Variants in SEC11A observed in about 807,000 individuals in gnomAD.
The protein encoded by SEC11A is SEC11 homolog A, signal peptidase complex subunit, also known as signal peptidase complex catalytic subunit SEC11A.
Under a neutral mutation model 25.6 loss-of-function variants are expected in SEC11A, and 14 were observed. The ratio of observed to expected loss-of-function variants is 0.55; its 90% CI spans 0.36 to 0.85. The LOEUF (loss-of-function observed/expected upper bound fraction) is 0.85, where lower values mean the gene tolerates loss of function less well. SEC11A is among the 40% of genes least tolerant of loss of function. The pLI, the probability that SEC11A is intolerant of heterozygous loss-of-function variation, is 0.01. For synonymous variants in SEC11A, 83 were observed against 76.4 expected, an observed-to-expected ratio of 1.09 and a Z score of -0.45; for missense variants, 153 against 222.9, an observed-to-expected ratio of 0.69 and a Z score of 2.00.
At chr15:84,672,235 C>A in intron 4 of SEC11A, 1 of 164,614 alleles carries the variant, frequency 6.1e-6, no homozygotes, top group African/African-American at 2.4e-5. Context: ...GCCTCTGCCC[C>A]TGACCATGCC....
At chr15:84,715,213 A>G (rs1898421400) in intron 1 of SEC11A, among the ~76,000 whole-genome samples, 1 of 152,212 alleles carries the variant, frequency 6.6e-6, no homozygotes, top group Non-Finnish European at 1.5e-5. Context: ...ATACTGTTTA[A>G]AACAAAAAAA....
chr15:84,697,632 C>A (rs2141905769), intron 1 of SEC11A, among the ~76,000 whole-genome samples: 1 of 152,318 alleles, frequency 6.6e-6, no homozygotes, highest in Non-Finnish European at 1.5e-5. Flanking sequence ...TTTTTACCCT[C>A]TCTTTTCCTG....
Position 84,680,695 on chromosome 15 carries a change from G to A in SEC11A, c.431+18C>T. 6.3e-7 allele frequency: 1 copy of A among 1,574,934 alleles called. No homozygotes were observed. The highest frequency in any genetic ancestry group is 8.6e-7 in the Non-Finnish European group (1 of 1,159,064). The stretch of plus-strand genomic sequence containing the variant: ...TCAAGTGATATAAAAAGTTTGAGAT[G>A]CTCCCCTCTATACTTACCCCCTGGC... On this transcript the variant is annotated intron_variant, in intron 4 of 5. Transcript: ENST00000268220.
At chr15:84,681,635 G>GA (rs898081087) in intron 3 of SEC11A, among the ~76,000 whole-genome samples, 2 of 150,870 alleles carry the variant, frequency 1.3e-5, no homozygotes, top group African/African-American at 2.4e-5. Context: ...ATCCCAAAAC[G>GA]AAAAAAACAA....
At chr15:84,673,130 G>C (rs1443134374) in intron 4 of SEC11A, 1 of 167,426 alleles carries the variant, frequency 6.0e-6, no homozygotes, top group Non-Finnish European at 1.3e-5. Flanking sequence ...CCGGGAGGGA[G>C]GTGGGGGTCA....
intron 1 of SEC11A, among the ~76,000 whole-genome samples, chr15:84,715,636 C>T (rs1441825505): frequency 6.6e-6 from 1 of 152,172 alleles, no homozygotes; most frequent in African/African-American, 2.4e-5. Flanking sequence ...CAGAAACCGG[C>T]TAAACCTCGT....
intron 1 of SEC11A, among the ~76,000 whole-genome samples, chr15:84,714,498 G>A (rs1410791400): frequency 2.0e-5 from 3 of 152,186 alleles, no homozygotes; most frequent in Non-Finnish European, 4.4e-5. Context: ...AAGTATACAC[G>A]TAAAAACGGT....
At chr15:84,682,958 T>C (rs1897317817) in intron 3 of SEC11A, among the ~76,000 whole-genome samples, 1 of 152,098 alleles carries the variant, frequency 6.6e-6, no homozygotes, top group Non-Finnish European at 1.5e-5. Context: ...AATATCCACT[T>C]AGATTCTAAG....
At chr15:84,672,623 C>T (rs1213976032) in intron 4 of SEC11A, 1 of 208,314 alleles carries the variant, frequency 4.8e-6, no homozygotes, top group African/African-American at 2.4e-5. Context: ...GCTACAACCA[C>T]CTCCCAGCCG....
At chr15:84,686,603 T>C (rs995575511) in intron 3 of SEC11A, 2 of 152,252 alleles carry the variant, frequency 1.3e-5, no homozygotes, top group Admixed American at 1.3e-4. Context: ...AGAGGGAAAC[T>C]GTCTCAAAAA....
At chr15:84,712,613 A>G (rs1350558340) in intron 1 of SEC11A, among the ~76,000 whole-genome samples, 4 of 151,738 alleles carry the variant, frequency 2.6e-5, no homozygotes, top group African/African-American at 4.8e-5. Flanking sequence ...ATGCTCGGCT[A>G]ATTTTTGTAT....
rs1161975001 is a variant in SEC11A at position 84,704,860 on chromosome 15, G to T, written c.51+11165C>A. Among the ~76,000 whole-genome samples the T allele has an allele frequency of 3.3e-5, 5 of 151,628 alleles. 1 individual carries two copies. Among genetic ancestry groups the T allele is most frequent in the Non-Finnish European group, 4.4e-5 (3 of 67,964 alleles). ...AAGGTGCTTTCTTAGTTCTTTCTTTGTTCACTCTTCCTCATCCTGGAGGAT... is the reference window on the plus strand; with the variant it reads ...AAGGTGCTTTCTTAGTTCTTTCTTTTTTCACTCTTCCTCATCCTGGAGGAT... On this transcript the variant is annotated intron_variant, in intron 1 of 5. Coordinates refer to ENST00000268220, the MANE Select transcript of SEC11A (RefSeq NM_014300.4).
At chr15:84,704,841 C>T (rs961212083) in intron 1 of SEC11A, among the ~76,000 whole-genome samples, 5 of 151,996 alleles carry the variant, frequency 3.3e-5, no homozygotes, top group African/African-American at 1.2e-4. Flanking sequence ...GGGTAAGGTG[C>T]TTTCTTAGTT....
intron 1 of SEC11A, among the ~76,000 whole-genome samples, chr15:84,696,230 C>T (rs2141903669): frequency 6.6e-6 from 1 of 152,290 alleles, no homozygotes; most frequent in Admixed American, 6.5e-5. Context: ...TGCTTGTCTA[C>T]TGGCTGGCAG....
intron 2 of SEC11A, 141 bp downstream of exon 2, chr15:84,691,394 T>G: frequency 1.7e-6 from 1 of 586,078 alleles, no homozygotes; most frequent in Non-Finnish European, 3.1e-6. Flanking sequence ...TTACAACTGA[T>G]AAGTAGTGAC....
At chr15:84,704,888 T>C (rs1360978642) in intron 1 of SEC11A, among the ~76,000 whole-genome samples, 3 of 151,492 alleles carry the variant, frequency 2.0e-5, no homozygotes, top group Non-Finnish European at 2.9e-5. Context: ...TGGAGGATAG[T>C]AGCTGTTTTC....
At chr15:84,712,242 A>T (rs200326351) in intron 1 of SEC11A, among the ~76,000 whole-genome samples, 2 of 30,190 alleles carry the variant, frequency 6.6e-5, no homozygotes, top group Non-Finnish European at 1.0e-4. Flanking sequence ...ACCTTGTCTT[A>T]AAAAAAAAAA....
chr15:84,694,765 C>G (rs1402137330), intron 1 of SEC11A, among the ~76,000 whole-genome samples: 1 of 151,584 alleles, frequency 6.6e-6, no homozygotes, highest in Non-Finnish European at 1.5e-5. Context: ...GAGTTCGAGA[C>G]CAGAAAGCAA....
intron 1 of SEC11A, among the ~76,000 whole-genome samples, chr15:84,696,644 T>A (rs1897775823): frequency 6.6e-6 from 1 of 152,182 alleles, no homozygotes; most frequent in African/African-American, 2.4e-5. Flanking sequence ...TACTTGCATG[T>A]ACCCTATGTT....
Sources: gnomAD v4.1 joint callset for allele counts (sites outside exome capture counted in the v4.1 genomes callset) on GRCh38, gnomAD v4.1.1 for gene constraint, MANE v1.5 for transcripts, NCBI Gene and HGNC (gene_info 2026-07-23, HGNC 2026-07-21) for gene names.